IGF1R: variants seen among roughly 807,000 people sequenced by gnomAD.
The protein encoded by IGF1R is insulin-like growth factor 1 receptor.
Under a neutral mutation model 144.6 loss-of-function variants are expected in IGF1R, and 44 were observed. That is an observed-to-expected ratio of 0.30 (90% CI 0.24 to 0.39). The LOEUF (loss-of-function observed/expected upper bound fraction) is 0.39. Ranked by LOEUF, IGF1R falls within the 10% of genes least tolerant of loss-of-function variation. The probability of loss-of-function intolerance (pLI) is 1.00; values close to 1 mark genes in which losing one functional copy is unlikely to be tolerated. For missense variants in IGF1R, 1,355 were observed against 1,833.7 expected (o/e 0.74, Z 4.77); for synonymous variants, 795 against 722.8 (o/e 1.10, Z -1.60).
chr15:98,821,283 TCCC>T (rs1401856414), intron 2 of IGF1R, among the ~76,000 whole-genome samples: 1 of 122,762 alleles, frequency 8.1e-6, no homozygotes, highest in East Asian at 2.8e-4. Context: ...TAAACACGCC[TCCC>T]CCCCCCCTTT....
chr15:98,832,046 C>T (rs775737713), intron 2 of IGF1R, among the ~76,000 whole-genome samples: 15 of 152,076 alleles, frequency 9.9e-5, no homozygotes, highest in African/African-American at 1.9e-4. Flanking sequence ...ATGTTTGGGA[C>T]GCCTCAACAC....
chr15:98,858,297 G>A lies in IGF1R; in HGVS notation c.641-33028G>A, dbSNP rs142216442. Reference sequence around the variant, plus strand: ...ATTTGTAGTTTCCCCCCGCTTCGTTGTTTCCTCAGATATGGAGAATAAAGC... The same window carrying A: ...ATTTGTAGTTTCCCCCCGCTTCGTTATTTCCTCAGATATGGAGAATAAAGC... On this transcript the variant is annotated intron_variant, in intron 2 of 20. Coordinates refer to ENST00000650285, the MANE Select transcript of IGF1R (RefSeq NM_000875.5). Among the ~76,000 whole-genome samples the A allele has an allele frequency of 3.6e-3, 551 of 151,642 alleles. 3 individuals are homozygous for A. Among genetic ancestry groups the A allele is most frequent in the African/African-American group, 0.013 (529 of 40,968 alleles).
intron 2 of IGF1R, among the ~76,000 whole-genome samples, chr15:98,762,058 C>T (rs1021050637): frequency 6.6e-6 from 1 of 152,116 alleles, no homozygotes; most frequent in East Asian, 1.9e-4. Flanking sequence ...GTATGATGTT[C>T]GTTTGGATAC....
rs1263069710 is a variant in IGF1R at position 98,963,612 on chromosome 15, A to G, written c.*6170A>G. On this transcript the variant is annotated 3_prime_UTR_variant, in exon 21 of 21. Coordinates refer to ENST00000650285, the MANE Select transcript of IGF1R (RefSeq NM_000875.5). ...TGGACATGGGAAGACTTGACTGCAC[A>G]GCCAATGGTTTTCATGATGATTACA... 8.6e-6 allele frequency: 2 copies of G among 233,204 alleles called. No individual in the cohort carries two copies. Among genetic ancestry groups the G allele is most frequent in the Non-Finnish European group, 1.7e-5 (2 of 118,064 alleles). The allele number at this position is 233,204 out of a possible 1,614,324, so 14.4% of individuals were successfully genotyped here.
chr15:98,924,073 C>T (rs2015606059), intron 12 of IGF1R, 61 bp downstream of exon 12: 2 of 1,466,062 alleles, frequency 1.4e-6, no homozygotes, highest in Non-Finnish European at 1.9e-6. Context: ...GCATATGCTA[C>T]CTGACTGCAC....
At chr15:98,753,257 C>G (rs533677254) in intron 2 of IGF1R, among the ~76,000 whole-genome samples, 1 of 149,174 alleles carries the variant, frequency 6.7e-6, no homozygotes, top group Non-Finnish European at 1.5e-5. Flanking sequence ...TAAAGAGGGT[C>G]TCAGGCTGGC....
At chr15:98,928,651 C>T (rs1567205207) in intron 13 of IGF1R, among the ~76,000 whole-genome samples, 1 of 152,194 alleles carries the variant, frequency 6.6e-6, no homozygotes, top group Admixed American at 6.5e-5. Context: ...GTTCCCTCGA[C>T]TCCCTTCTCT....
chr15:98,779,118 A>G (rs143676977), intron 2 of IGF1R, among the ~76,000 whole-genome samples: 19 of 152,362 alleles, frequency 1.2e-4, no homozygotes, highest in Non-Finnish European at 2.4e-4. Context: ...AGTAACATCA[A>G]TTCAGTGTTC....
intron 2 of IGF1R, among the ~76,000 whole-genome samples, chr15:98,779,823 G>C (rs1216717096): frequency 6.6e-6 from 1 of 152,202 alleles, no homozygotes; most frequent in African/African-American, 2.4e-5. Context: ...GAGATAGCCT[G>C]TTGGCACAGG....
In IGF1R at chr15:98,916,755, G is replaced by T. The variant is rs1320818206; in HGVS notation, c.2080G>T (p.Gly694Trp). The change falls in exon 10 of 21, where the codon GGG becomes TGG. Residue 694 changes from glycine to tryptophan, a missense_variant. Gly to Trp is a radical substitution (Grantham distance 184). Transcript: ENST00000650285. Reference protein sequence around the residue: ...TENPKTEVCGGEKGPCCACPK... With the variant: ...TENPKTEVCGWEKGPCCACPK... ...GAACCCCAAGACTGAGGTGTGTGGT[G>T]GGGAGAAAGGGCCTTGCTGCGCCTG... The T allele has an allele frequency of 4.3e-6, 7 of 1,613,954 alleles. No homozygotes were observed. The highest frequency in any genetic ancestry group is 5.9e-6 in the Non-Finnish European group (7 of 1,180,000).
intron 5 of IGF1R, among the ~76,000 whole-genome samples, chr15:98,900,317 C>G (rs948441513): frequency 1.3e-4 from 20 of 152,168 alleles, no homozygotes; most frequent in Non-Finnish European, 2.8e-4. Flanking sequence ...TTAAACTCTC[C>G]CTTTTAAATA....
chr15:98,877,513 T>TTTTTC (rs773470156), intron 2 of IGF1R, among the ~76,000 whole-genome samples: 2,087 of 110,990 alleles, frequency 0.019, 35 homozygotes, highest in East Asian at 0.085. Flanking sequence ...TTTTTTTTTT[T>TTTTTC]CCCCAAAAAA....
intron 2 of IGF1R, among the ~76,000 whole-genome samples, chr15:98,828,245 C>G (rs2056932541): frequency 1.3e-5 from 2 of 152,202 alleles, no homozygotes; most frequent in African/African-American, 4.8e-5. Flanking sequence ...CTTCCACAGT[C>G]AGACCGTCAG....
At chr15:98,886,749 G>A (rs1352554516) in intron 2 of IGF1R, among the ~76,000 whole-genome samples, 1 of 152,032 alleles carries the variant, frequency 6.6e-6, no homozygotes, top group Non-Finnish European at 1.5e-5. Flanking sequence ...TCCCTTAATG[G>A]TCCTGAACAC....
Position 98,657,544 on chromosome 15 carries a change from C to T in IGF1R, c.94+7869C>T, listed in dbSNP as rs151329302. Among the ~76,000 whole-genome samples, 99 of 152,288 alleles carry T rather than the reference C, an allele frequency of 6.5e-4. 3 individuals are homozygous for T. In the East Asian group the frequency reaches 0.018, roughly 27 times the overall value. Reference sequence around the variant, plus strand: ...CTTTAAAGAGAAGCACAGATTGCCACGAAAACAAATGAACACAGAGACCAG... The same window carrying T: ...CTTTAAAGAGAAGCACAGATTGCCATGAAAACAAATGAACACAGAGACCAG... On this transcript the variant is annotated intron_variant, in intron 1 of 20. Transcript: ENST00000650285.
At chr15:98,776,993 G>A (rs11635613) in intron 2 of IGF1R, among the ~76,000 whole-genome samples, 1 of 152,096 alleles carries the variant, frequency 6.6e-6, no homozygotes, top group Admixed American at 6.5e-5. Context: ...TTGTGACCTT[G>A]TGTGGTTTCT....
intron 2 of IGF1R, among the ~76,000 whole-genome samples, chr15:98,828,507 T>G (rs565603525): frequency 6.6e-6 from 1 of 152,028 alleles, no homozygotes; most frequent in East Asian, 1.9e-4. Flanking sequence ...GAAGATAGAG[T>G]AGTGGCCTTG....
At chr15:98,910,871 A>G (rs998446021) in intron 6 of IGF1R, among the ~76,000 whole-genome samples, 3 of 152,214 alleles carry the variant, frequency 2.0e-5, no homozygotes, top group African/African-American at 7.2e-5. Flanking sequence ...TGGTGGTTGT[A>G]CACGAACAGG....
intron 2 of IGF1R, among the ~76,000 whole-genome samples, chr15:98,749,633 C>T (rs552284588): frequency 6.6e-6 from 1 of 152,192 alleles, no homozygotes; most frequent in Non-Finnish European, 1.5e-5. Context: ...TAATAGCAAT[C>T]GTCTACCAGA....
Sources: gnomAD v4.1 joint callset for allele counts (sites outside exome capture counted in the v4.1 genomes callset) on GRCh38, gnomAD v4.1.1 for gene constraint, MANE v1.5 for transcripts, NCBI Gene and HGNC (gene_info 2026-07-23, HGNC 2026-07-21) for gene names.